The following RCC1 variants were observed in gnomAD, a reference collection of about 807,000 sequenced individuals.
RCC1 encodes regulator of chromosome condensation 1, also known as regulator of chromosome condensation.
In RCC1, 11 loss-of-function variants were observed where a neutral mutation model predicts 44.4. That is an observed-to-expected ratio of 0.25 (90% CI 0.16 to 0.41). The LOEUF (loss-of-function observed/expected upper bound fraction) is 0.41. Ranked by LOEUF, RCC1 falls within the 10% of genes least tolerant of loss-of-function variation. The pLI, the probability that RCC1 is intolerant of heterozygous loss-of-function variation, is 1.00. For synonymous variants in RCC1, 213 were observed against 216.5 expected (o/e 0.98, Z 0.14); for missense variants, 386 against 547.1 (o/e 0.71, Z 2.94).
At chr1:28,521,193 G>A (rs1486296635) in intron 4 of RCC1, among the ~76,000 whole-genome samples, 1 of 151,946 alleles carries the variant, frequency 6.6e-6, no homozygotes, top group Non-Finnish European at 1.5e-5. Flanking sequence ...CGGGAACAGG[G>A]CTCCACCTTT....
At chr1:28,526,551 T>C in intron 4 of RCC1, 1 of 579,736 alleles carries the variant, frequency 1.7e-6, no homozygotes, top group Admixed American at 2.3e-5. Flanking sequence ...GTGAAATTCC[T>C]TAGCTTTGTC....
chr1:28,509,132 T>G (rs111328988), intron 3 of RCC1: 11 of 326,644 alleles, frequency 3.4e-5, no homozygotes, highest in Non-Finnish European at 6.0e-5. Context: ...TCGACCTGTT[T>G]TGCAGAAAGT....
At chr1:28,528,141 G>A (rs1391770088) in intron 4 of RCC1, among the ~76,000 whole-genome samples, 1 of 151,774 alleles carries the variant, frequency 6.6e-6, no homozygotes, top group South Asian at 2.1e-4. Flanking sequence ...CCAACATGGT[G>A]AAACCCCGTC....
At chr1:28,507,909 T>G (rs1425808140) in intron 1 of RCC1, 2 of 307,742 alleles carry the variant, frequency 6.5e-6, no homozygotes, top group African/African-American at 4.4e-5. Flanking sequence ...CCTGGCTGGA[T>G]TGAAGTCTTA....
At chr1:28,510,246 T>C (rs1235371094) in intron 3 of RCC1, 3 of 152,226 alleles carry the variant, frequency 2.0e-5, no homozygotes, top group Non-Finnish European at 1.5e-5. Context: ...AGGTCAGGGT[T>C]GGTTTGAGAA....
At chr1:28,511,555 G>A (rs967958674) in intron 3 of RCC1, among the ~76,000 whole-genome samples, 2 of 151,172 alleles carry the variant, frequency 1.3e-5, no homozygotes, top group Admixed American at 6.6e-5. Flanking sequence ...ATTTTTAGTA[G>A]AGAAGGGGTT....
At chr1:28,537,514 C>T (rs762375169) in intron 12 of RCC1, among the ~76,000 whole-genome samples, 1 of 152,170 alleles carries the variant, frequency 6.6e-6, no homozygotes, top group Non-Finnish European at 1.5e-5. Context: ...CAAAGAATGC[C>T]ATTCCAGGCA....
rs142749233 is a variant in RCC1 at position 28,517,543 on chromosome 1, CTTG to C, written c.-10+679_-10+681del. On this transcript the variant is annotated intron_variant, in intron 4 of 12. Coordinates refer to ENST00000683442, the MANE Select transcript of RCC1 (RefSeq NM_001381865.2). Reference sequence around the variant, plus strand: ...CATATGAGATGTGCCTCCCTCAAACCTTGTTAAGACATGGGCACATACCCATCT... The same window carrying C: ...CATATGAGATGTGCCTCCCTCAAACCTTAAGACATGGGCACATACCCATCT... Among the ~76,000 whole-genome samples, 773 of 152,238 alleles carry C rather than the reference CTTG, an allele frequency of 5.1e-3. 4 individuals carry two copies. The highest frequency in any genetic ancestry group is 0.017 in the African/African-American group (723 of 41,546).
chr1:28,536,523 A>T lies in RCC1; in HGVS notation c.937+142A>T. 8.3e-7 allele frequency: 1 copy of T among 1,205,916 alleles called. No homozygotes were observed. The highest frequency in any genetic ancestry group is 1.2e-6 in the Non-Finnish European group (1 of 862,758). 74.7% of individuals were successfully genotyped at this position (1,205,916 alleles called of 1,614,324 possible). ...ACATGGGTCCATGAGAGTCACTCTC[A>T]TCCTCCTAGAGTCCTGGTGTTCTTC... On this transcript the variant is annotated intron_variant, in intron 11 of 12. Transcript: ENST00000683442. This position sits in a 1 kb window ranked among gnomAD's most constrained non-coding sequence, Gnocchi z 4.9.
chr1:28,528,369 T>C (rs1440384489), intron 4 of RCC1, among the ~76,000 whole-genome samples: 1 of 152,116 alleles, frequency 6.6e-6, no homozygotes, highest in Non-Finnish European at 1.5e-5. Flanking sequence ...GGCAGGAGAA[T>C]CACTTGAACC....
chr1:28,507,319 A>C, intron 1 of RCC1: 1 of 512,534 alleles, frequency 2.0e-6, no homozygotes, highest in South Asian at 1.4e-5. Flanking sequence ...GAATGGATGA[A>C]ATTGTTTCCT....
intron 4 of RCC1, among the ~76,000 whole-genome samples, chr1:28,528,300 A>T (rs982352099): frequency 6.6e-6 from 1 of 151,940 alleles, no homozygotes; most frequent in African/African-American, 2.4e-5. Flanking sequence ...TACTAAAAAT[A>T]CAAAAATTAG....
chr1:28,513,117 A>G (rs895526253), intron 3 of RCC1, among the ~76,000 whole-genome samples: 4 of 149,926 alleles, frequency 2.7e-5, no homozygotes, highest in African/African-American at 7.4e-5. Flanking sequence ...TGCCAAAGCC[A>G]GAGTGCAGTG....
rs749630781 is a variant in RCC1, at chr1:28,530,626, G to A, written c.73+687G>A. The A allele has an allele frequency of 3.8e-6, 6 of 1,590,650 alleles. No homozygotes were observed. In the South Asian group the frequency reaches 4.5e-5, roughly 12 times the overall value. ...AGAAAACCCGACCAGGTGGCTCCGC[G>A]CCCGGGGCGCCCTCTGTGCTGCCAG... On this transcript the variant is annotated intron_variant, in intron 5 of 12. Transcript: ENST00000683442.
chr1:28,530,508 GTC>G, intron 5 of RCC1: 1 of 1,596,618 alleles, frequency 6.3e-7, no homozygotes, highest in Non-Finnish European at 8.5e-7. Flanking sequence ...CTCAGACAGT[GTC>G]TGTCTTTTGC....
chr1:28,511,053 A>G (rs1004353978), intron 3 of RCC1, among the ~76,000 whole-genome samples: 5 of 152,168 alleles, frequency 3.3e-5, no homozygotes, highest in Admixed American at 6.6e-5. Flanking sequence ...TCAGCTTGCA[A>G]TACCCCTTTT....
intron 4 of RCC1, among the ~76,000 whole-genome samples, chr1:28,520,646 G>A (rs1663209074): frequency 6.6e-6 from 1 of 152,116 alleles, no homozygotes; most frequent in South Asian, 2.1e-4. Flanking sequence ...CGACTTATCT[G>A]TGACTGTCTC....
At chr1:28,525,146 A>C (rs901918323) in intron 4 of RCC1, among the ~76,000 whole-genome samples, 4 of 152,134 alleles carry the variant, frequency 2.6e-5, no homozygotes, top group African/African-American at 9.7e-5. Flanking sequence ...TGGGGGCTGC[A>C]TGCACTGGTT....
At chr1:28,507,836 A>G (rs1398132407) in intron 1 of RCC1, 1 of 310,910 alleles carries the variant, frequency 3.2e-6, no homozygotes, top group African/African-American at 2.2e-5. Flanking sequence ...CAAACTCCTG[A>G]CCTTGTGATC....
Sources: gnomAD v4.1 joint callset for allele counts (sites outside exome capture counted in the v4.1 genomes callset) on GRCh38, gnomAD v4.1.1 for gene constraint, Gnocchi (gnomAD v3.1) non-coding constraint, MANE v1.5 for transcripts, NCBI Gene and HGNC (gene_info 2026-07-23, HGNC 2026-07-21) for gene names.